The following LPP variants were observed in gnomAD, a reference collection of about 807,000 sequenced individuals.
LPP encodes the protein lipoma-preferred partner.
Under a neutral mutation model 60.4 loss-of-function variants are expected in LPP, and 38 were observed. The ratio of observed to expected loss-of-function variants is 0.63; its 90% confidence interval spans 0.49 to 0.83. The LOEUF (loss-of-function observed/expected upper bound fraction) is 0.83, where lower values mean the gene tolerates loss of function less well. LPP is among the 40% of genes least tolerant of loss of function. LPP has a pLI of 0.00. For missense variants in LPP, 902 were observed against 783.6 expected (o/e 1.15, Z -1.80); for synonymous variants, 328 against 290.8 (o/e 1.13, Z -1.30).
intron 7 of LPP, among the ~76,000 whole-genome samples, chr3:188,645,463 G>A (rs1047792611): frequency 1.5e-4 from 23 of 152,130 alleles, no homozygotes; most frequent in African/African-American, 5.3e-4. Flanking sequence ...ATCTGTATTC[G>A]GGGTCCTGTC....
intron 7 of LPP, among the ~76,000 whole-genome samples, chr3:188,646,284 C>T (rs1435502301): frequency 6.6e-6 from 1 of 152,142 alleles, no homozygotes; most frequent in African/African-American, 2.4e-5. Context: ...GCCAGAACCT[C>T]AGCTGGTCAC....
chr3:188,266,624 A>G (rs985493877), intron 2 of LPP, among the ~76,000 whole-genome samples: 4 of 152,174 alleles, frequency 2.6e-5, no homozygotes, highest in African/African-American at 4.8e-5. Flanking sequence ...AATGGCTTCC[A>G]TAAGTCACTG....
intron 4 of LPP, among the ~76,000 whole-genome samples, chr3:188,444,383 CT>C (rs972277304): frequency 6.6e-6 from 1 of 150,872 alleles, no homozygotes; most frequent in Non-Finnish European, 1.5e-5. Flanking sequence ...GCCTTTAAAT[CT>C]TGAACTTGAA....
chr3:188,386,260 G>GCACACACACACACA (rs1491279764), intron 3 of LPP, among the ~76,000 whole-genome samples: 1 of 96,742 alleles, frequency 1.0e-5, no homozygotes, highest in Non-Finnish European at 2.3e-5. Flanking sequence ...GTCATAGCAT[G>GCACACACACACACA]CGCGCACACA....
At chr3:188,416,920 T>C (rs1177111184) in intron 4 of LPP, among the ~76,000 whole-genome samples, 1 of 152,112 alleles carries the variant, frequency 6.6e-6, no homozygotes, top group African/African-American at 2.4e-5. Context: ...TTATGGACAT[T>C]ATAAAAATAA....
rs527753148 is a variant in LPP at position 188,330,227 on chromosome 3, A to G, written c.-66-11436A>G. On this transcript the variant is annotated intron_variant, in intron 2 of 11. Transcript: ENST00000617246. ...AATAGAAGTGGACTTAGAATACTAC[A>G]TGTTCTTTTAAATATGTCTCTTATG... Among the ~76,000 whole-genome samples, 181 of 152,336 alleles carry G rather than the reference A, an allele frequency of 1.2e-3. 1 individual carries two copies. The highest frequency in any genetic ancestry group is 1.6e-3 in the Admixed American group (24 of 15,290).
At chr3:188,185,502 C>T (rs1370498915) in intron 1 of LPP, among the ~76,000 whole-genome samples, 2 of 151,982 alleles carry the variant, frequency 1.3e-5, no homozygotes, top group African/African-American at 2.4e-5. Context: ...TCTCTTTTCC[C>T]CCTATATACC....
chr3:188,301,817 C>G (rs1749957901), intron 2 of LPP, among the ~76,000 whole-genome samples: 1 of 151,906 alleles, frequency 6.6e-6, no homozygotes, highest in African/African-American at 2.4e-5. Context: ...CAATGCCCAG[C>G]TAATTTTTTT....
intron 1 of LPP, among the ~76,000 whole-genome samples, chr3:188,184,623 A>C (rs1412375594): frequency 6.6e-6 from 1 of 151,686 alleles, no homozygotes; most frequent in Non-Finnish European, 1.5e-5. Context: ...AGCCTTGAGT[A>C]ATAAGGAATT....
rs1724444926 is a variant in LPP at position 188,180,012 on chromosome 3, A to G, written c.-190+25760A>G. 5.0e-5 allele frequency: 8 copies of G among 158,666 alleles called. No individual in the cohort carries two copies. In the South Asian group the frequency reaches 1.3e-3, roughly 25 times the overall value. The allele number at this position is 158,666 out of a possible 1,614,324, so 9.8% of individuals were successfully genotyped here. On this transcript the variant is annotated intron_variant, in intron 1 of 11. Coordinates refer to ENST00000617246, the MANE Select transcript of LPP (RefSeq NM_001375462.1). ...TAAGAATGTATTGATTTGATTTACT[A>G]ATTAATTTCATTTCCAGACACCAAT...
At chr3:188,693,145 G>C (rs1862477991) in intron 7 of LPP, among the ~76,000 whole-genome samples, 1 of 152,102 alleles carries the variant, frequency 6.6e-6, no homozygotes, top group African/African-American at 2.4e-5. Context: ...GTGTCACCTT[G>C]AATCCTGTTC....
chr3:188,157,849 G>A (rs1716978683), intron 1 of LPP, among the ~76,000 whole-genome samples: 1 of 152,056 alleles, frequency 6.6e-6, no homozygotes, highest in Non-Finnish European at 1.5e-5. Context: ...TTGTCCAGGT[G>A]GAAGAAGGAC....
chr3:188,408,341 A>C (rs1403536988), intron 4 of LPP, among the ~76,000 whole-genome samples: 1 of 152,136 alleles, frequency 6.6e-6, no homozygotes, highest in Non-Finnish European at 1.5e-5. Context: ...AGATAGGTAG[A>C]AGAGAAGCAT....
intron 3 of LPP, among the ~76,000 whole-genome samples, chr3:188,397,779 A>C (rs890691496): frequency 6.6e-6 from 1 of 151,980 alleles, no homozygotes; most frequent in African/African-American, 2.4e-5. Flanking sequence ...GTGCTCGGCT[A>C]ATTTTTGTAT....
chr3:188,733,796 T>A (rs1447255752), intron 8 of LPP, among the ~76,000 whole-genome samples: 1 of 152,232 alleles, frequency 6.6e-6, no homozygotes. Context: ...TTGTTTTACT[T>A]CTATTGGAAT....
chr3:188,856,773 ATAG>A (rs539414410), intron 9 of LPP, among the ~76,000 whole-genome samples: 4 of 152,280 alleles, frequency 2.6e-5, no homozygotes, highest in African/African-American at 9.6e-5. Context: ...TAGGTTGCTG[ATAG>A]TAGGAATTAT....
chr3:188,850,400 G>A (rs73888942), intron 9 of LPP, among the ~76,000 whole-genome samples: 3,769 of 152,140 alleles, frequency 0.025, 151 homozygotes, highest in African/African-American at 0.085. Flanking sequence ...TAATTGGTTC[G>A]GGGTAAAGGA....
intron 1 of LPP, among the ~76,000 whole-genome samples, chr3:188,203,511 A>T (rs377385350): frequency 2.5e-3 from 133 of 54,204 alleles, no homozygotes; most frequent in Middle Eastern, 0.019. Context: ...AAATATATAT[A>T]TTTAAATATA....
chr3:188,815,545 A>C (rs1752228708), intron 9 of LPP, among the ~76,000 whole-genome samples: 1 of 139,272 alleles, frequency 7.2e-6, no homozygotes, highest in Non-Finnish European at 1.5e-5. Flanking sequence ...GAAAAAAAAG[A>C]AAAAAAAAAA....
Sources: allele counts gnomAD v4.1 joint callset (sites outside exome capture counted in the v4.1 genomes callset), GRCh38; gene constraint gnomAD v4.1.1; transcripts MANE v1.5; gene names NCBI Gene and HGNC (gene_info 2026-07-23, HGNC 2026-07-21).